The following RAP1GAP2 variants were observed in gnomAD, a reference collection of about 807,000 sequenced individuals.
The protein encoded by RAP1GAP2 is RAP1 GTPase activating protein 2.
In RAP1GAP2, 27 loss-of-function variants were observed where a neutral mutation model predicts 95.0. That is an observed-to-expected ratio of 0.28 (90% confidence interval 0.21 to 0.39). The LOEUF is 0.39. Among genes scored for constraint, RAP1GAP2 ranks in the 10% least tolerant of loss-of-function variants. The pLI, the probability that RAP1GAP2 is intolerant of heterozygous loss-of-function variation, is 1.00. For synonymous variants in RAP1GAP2, 373 were observed against 380.9 expected (o/e 0.98, Z 0.24); for missense variants, 771 against 970.0 (o/e 0.79, Z 2.72).
In RAP1GAP2 at chr17:2,903,672, G is replaced by A. The variant is rs1300976307; in HGVS notation, c.81-1612G>A. Among the ~76,000 whole-genome samples the A allele has an allele frequency of 2.6e-5, 4 of 152,232 alleles. No homozygotes were observed. The highest frequency in any genetic ancestry group is 4.4e-5 in the Non-Finnish European group (3 of 68,040). On this transcript the variant is annotated intron_variant, in intron 2 of 24. Transcript: ENST00000254695. The surrounding 1 kb of genome is among the most constrained non-coding windows in gnomAD (Gnocchi z 4.1). ...GGGAGCAGGAGACAGGGATTGCCAG[G>A]TTCAGGTTAATGGGGTGGAATGGAT... is the stretch of plus-strand genomic sequence containing the variant.
intron 2 of RAP1GAP2, among the ~76,000 whole-genome samples, chr17:2,850,247 G>A (rs920347627): frequency 4.0e-5 from 6 of 150,724 alleles, no homozygotes; most frequent in Admixed American, 6.6e-5. Flanking sequence ...TGATCCGCCC[G>A]CCTCGGCCTC....
chr17:2,990,901 A>G (rs945005626), intron 11 of RAP1GAP2, among the ~76,000 whole-genome samples: 22 of 148,552 alleles, frequency 1.5e-4, no homozygotes, highest in Non-Finnish European at 3.0e-4. Context: ...CCGGACTGCA[A>G]TGGTGTGATC....
chr17:2,882,767 G>T (rs1219732888), intron 2 of RAP1GAP2, among the ~76,000 whole-genome samples: 1 of 152,188 alleles, frequency 6.6e-6, no homozygotes, highest in Admixed American at 6.6e-5. Flanking sequence ...ATGCTTCGGG[G>T]TGGAGTGATG....
chr17:3,005,923 G>A lies in RAP1GAP2; in HGVS notation c.1273-32G>A, dbSNP rs1346232185. The A allele has an allele frequency of 2.5e-6, 4 of 1,595,824 alleles. No individual in the cohort carries two copies. Among genetic ancestry groups the A allele is most frequent in the Non-Finnish European group, 3.4e-6 (4 of 1,163,564 alleles). Reference sequence around the variant, plus strand: ...AGACCTTCTGGCAACAGCCGAGAGTGACAGACCTGAGGTCCGTCTTGTCTC... The same window carrying A: ...AGACCTTCTGGCAACAGCCGAGAGTAACAGACCTGAGGTCCGTCTTGTCTC... On this transcript the variant is annotated intron_variant, in intron 15 of 24. Coordinates refer to ENST00000254695, the MANE Select transcript of RAP1GAP2 (RefSeq NM_015085.5). This position sits in a 1 kb window ranked among gnomAD's most constrained non-coding sequence, Gnocchi z 5.2.
At chr17:2,981,830 C>G (rs2045369641) in intron 10 of RAP1GAP2, among the ~76,000 whole-genome samples, 1 of 152,144 alleles carries the variant, frequency 6.6e-6, no homozygotes, top group African/African-American at 2.4e-5. Context: ...ATAATAAACC[C>G]ACTGAGGAAT....
At chr17:3,012,642 G>T (rs1433646533) in intron 17 of RAP1GAP2, among the ~76,000 whole-genome samples, 7 of 138,892 alleles carry the variant, frequency 5.0e-5, no homozygotes, top group East Asian at 4.5e-4. Context: ...CAAACCTAAA[G>T]TTTGCAGTGA....
intron 2 of RAP1GAP2, among the ~76,000 whole-genome samples, chr17:2,844,000 G>A (rs973774170): frequency 7.9e-5 from 12 of 151,934 alleles, no homozygotes; most frequent in Non-Finnish European, 1.2e-4. Context: ...GATGGCCGGC[G>A]CGCTTTTTTT....
At chr17:3,025,115 G>A (rs917285537) in intron 19 of RAP1GAP2, among the ~76,000 whole-genome samples, 4 of 152,170 alleles carry the variant, frequency 2.6e-5, no homozygotes, top group Admixed American at 6.5e-5. Flanking sequence ...GGTGGCTCAC[G>A]CCTGTAATCT....
chr17:2,982,023 C>T (rs1277795948), intron 10 of RAP1GAP2, among the ~76,000 whole-genome samples: 1 of 152,214 alleles, frequency 6.6e-6, no homozygotes, highest in Non-Finnish European at 1.5e-5. Flanking sequence ...CTGAGGCCTG[C>T]TGGGACCGGC....
intron 2 of RAP1GAP2, among the ~76,000 whole-genome samples, chr17:2,821,991 A>G (rs1030002737): frequency 6.6e-6 from 1 of 152,140 alleles, no homozygotes; most frequent in Admixed American, 6.6e-5. Context: ...TCTGAACCGC[A>G]TAAAGCCAGT....
intron 17 of RAP1GAP2, among the ~76,000 whole-genome samples, chr17:3,014,135 G>T (rs12951714): frequency 1.5e-4 from 3 of 19,920 alleles, no homozygotes; most frequent in African/African-American, 6.6e-4. Flanking sequence ...GCTATAGAGC[G>T]TGTGGCTGCC....
intron 1 of RAP1GAP2, among the ~76,000 whole-genome samples, chr17:2,784,090 A>C (rs1423754862): frequency 6.6e-6 from 1 of 151,968 alleles, no homozygotes; most frequent in Admixed American, 6.6e-5. Context: ...CTCTTGTCTC[A>C]GCCTCCCAAG....
intron 17 of RAP1GAP2, among the ~76,000 whole-genome samples, chr17:3,013,632 C>CTTTT (rs998163717): frequency 6.7e-4 from 53 of 78,790 alleles, no homozygotes; most frequent in East Asian, 1.5e-3. Context: ...CTTTTCTTTT[C>CTTTT]TTTTTTTTTT....
intron 12 of RAP1GAP2, among the ~76,000 whole-genome samples, 196 bp downstream of exon 12, chr17:2,991,593 C>T (rs2045754928): frequency 1.3e-5 from 2 of 152,170 alleles, no homozygotes; most frequent in African/African-American, 2.4e-5. Flanking sequence ...GCAGATTCCC[C>T]TGAAGGCGTT....
intron 2 of RAP1GAP2, among the ~76,000 whole-genome samples, chr17:2,815,948 C>T (rs888758651): frequency 2.0e-5 from 3 of 152,234 alleles, no homozygotes; most frequent in Non-Finnish European, 2.9e-5. Flanking sequence ...CATGCGTGGA[C>T]GCAGTCACTG....
At position 3,003,441 on chromosome 17, in the gene RAP1GAP2, C is replaced by A. The variant is rs961390103; in HGVS notation, c.1201-1928C>A. On this transcript the variant is annotated intron_variant, in intron 14 of 24. Transcript: ENST00000254695. The surrounding 1 kb of genome is among the most constrained non-coding windows in gnomAD (Gnocchi z 4.1). ...AGGAATCTCAGGTGAAGCCCACCGCCGGGGAGGGCCCTGTCTTTGTAGCCC... is the reference window on the plus strand; with the variant it reads ...AGGAATCTCAGGTGAAGCCCACCGCAGGGGAGGGCCCTGTCTTTGTAGCCC... Among the ~76,000 whole-genome samples the A allele has an allele frequency of 6.6e-6, 1 of 152,154 alleles. No individual in the cohort carries two copies. The highest frequency in any genetic ancestry group is 1.5e-5 in the Non-Finnish European group (1 of 68,028).
intron 8 of RAP1GAP2, among the ~76,000 whole-genome samples, chr17:2,979,697 C>T (rs1000381002): frequency 6.8e-6 from 1 of 147,380 alleles, no homozygotes; most frequent in African/African-American, 2.4e-5. Flanking sequence ...GAACTCCTGA[C>T]CTCGTGATCC....
intron 3 of RAP1GAP2, among the ~76,000 whole-genome samples, chr17:2,930,603 T>C (rs1269419005): frequency 6.6e-6 from 1 of 152,224 alleles, no homozygotes; most frequent in Admixed American, 6.5e-5. Flanking sequence ...CAGGTGGGAA[T>C]GCCGCTTCAA....
intron 1 of RAP1GAP2, among the ~76,000 whole-genome samples, chr17:2,787,680 G>C (rs1472618690): frequency 6.6e-6 from 1 of 152,092 alleles, no homozygotes; most frequent in Non-Finnish European, 1.5e-5. Context: ...CAATTCTCCT[G>C]CCTCAGCCTC....
Sources: allele counts gnomAD v4.1 joint callset (sites outside exome capture counted in the v4.1 genomes callset), GRCh38; gene constraint gnomAD v4.1.1; non-coding constraint Gnocchi (gnomAD v3.1); transcripts MANE v1.5; gene names NCBI Gene and HGNC (gene_info 2026-07-23, HGNC 2026-07-21).